Variants in GLB1L3 observed in about 807,000 individuals in gnomAD.
The protein encoded by GLB1L3 is galactosidase beta 1 like 3.
Under a neutral mutation model 89.5 loss-of-function variants are expected in GLB1L3, and 89 were observed. The ratio of observed to expected loss-of-function variants is 0.99; its 90% CI spans 0.84 to 1.19. The LOEUF is 1.19. Ranked by LOEUF, GLB1L3 falls within the 50% of genes most tolerant of loss-of-function variation. The pLI is 0.00. For synonymous variants in GLB1L3, 314 were observed against 312.3 expected, an observed-to-expected ratio of 1.01 and a Z score of -0.06; for missense variants, 812 against 813.3, an observed-to-expected ratio of 1.00 and a Z score of 0.02.
chr11:134,317,171 T>A (rs1943020917), intron 18 of GLB1L3: 1 of 152,222 alleles, frequency 6.6e-6, no homozygotes, highest in Non-Finnish European at 1.5e-5. Context: ...CTTTAGCACT[T>A]CTTGTAAAGC....
At chr11:134,294,748 G>T (rs753755696) in intron 9 of GLB1L3, among the ~76,000 whole-genome samples, 1 of 152,180 alleles carries the variant, frequency 6.6e-6, no homozygotes, top group Non-Finnish European at 1.5e-5. Context: ...TTAGTCTTTT[G>T]CATCTGGCTT....
At chr11:134,315,235 T>A (rs1450153050) in intron 18 of GLB1L3, among the ~76,000 whole-genome samples, 1 of 152,258 alleles carries the variant, frequency 6.6e-6, no homozygotes, top group Non-Finnish European at 1.5e-5. Context: ...ACCATTTTAC[T>A]TTTTCTGAAC....
At chr11:134,280,731 T>C (rs1023269513) in intron 3 of GLB1L3, among the ~76,000 whole-genome samples, 6 of 152,168 alleles carry the variant, frequency 3.9e-5, no homozygotes, top group African/African-American at 9.7e-5. Flanking sequence ...AGTTCTACGA[T>C]GTATTGTCAA....
At chr11:134,313,751 G>A (rs1942856159) in intron 16 of GLB1L3, among the ~76,000 whole-genome samples, 190 bp from the exon 17 acceptor site, 1 of 152,244 alleles carries the variant, frequency 6.6e-6, no homozygotes, top group African/African-American at 2.4e-5. Context: ...ACTAAGTGGG[G>A]GAACTTTCTT....
intron 15 of GLB1L3, 140 bp downstream of exon 15, chr11:134,313,027 A>G (rs1942819536): frequency 1.4e-6 from 1 of 694,920 alleles, no homozygotes; most frequent in Non-Finnish European, 2.5e-6. Flanking sequence ...GGAAGTGTGC[A>G]GGGCTGGAAG....
At chr11:134,305,114 G>A (rs1942133380) in intron 9 of GLB1L3, 1 of 1,548,520 alleles carries the variant, frequency 6.5e-7, no homozygotes, top group East Asian at 2.4e-5. Flanking sequence ...TCTCCTCCCA[G>A]GGAGCCAGTA....
At chr11:134,306,900 A>G (rs1172466241) in intron 9 of GLB1L3, among the ~76,000 whole-genome samples, 1 of 152,252 alleles carries the variant, frequency 6.6e-6, no homozygotes, top group Non-Finnish European at 1.5e-5. Context: ...GTAGGGAGGC[A>G]CATGAAGCTG....
At position 134,299,093 on chromosome 11, in the gene GLB1L3, C is replaced by T. The variant is rs149852140; in HGVS notation, c.876+5884C>T. Among the ~76,000 whole-genome samples the T allele has an allele frequency of 5.1e-3, 773 of 152,112 alleles. 2 individuals are homozygous for T. The highest frequency in any genetic ancestry group is 8.4e-3 in the Non-Finnish European group (573 of 68,012). ...CATTCCTCATGCCTGTTGAGTTTAG[C>T]GATGAGCCTATTGAAGAAATTTTTC... On this transcript the variant is annotated intron_variant, in intron 9 of 19. Transcript: ENST00000431683.
At chr11:134,304,002 T>G (rs1226481344) in intron 9 of GLB1L3, among the ~76,000 whole-genome samples, 2 of 152,114 alleles carry the variant, frequency 1.3e-5, no homozygotes, top group Non-Finnish European at 2.9e-5. Flanking sequence ...TTTGTTTCTT[T>G]TTTTGTTTTC....
downstream of GLB1L3, among the ~76,000 whole-genome samples, chr11:134,320,982 A>G (rs1269501137): frequency 2.6e-5 from 4 of 152,208 alleles, no homozygotes; most frequent in African/African-American, 9.6e-5. Flanking sequence ...CTCTCAGGGA[A>G]CCACAGTTGA....
At chr11:134,325,096 C>T in the GLB1L3 span, among the ~76,000 whole-genome samples, 1 of 152,176 alleles carries the variant, frequency 6.6e-6, no homozygotes, top group Non-Finnish European at 1.5e-5. Flanking sequence ...GGTGCTTCAA[C>T]ATTTGAAAAT....
At position 134,277,845 on chromosome 11, in the gene GLB1L3, G is replaced by A. The variant is rs922643990; in HGVS notation, c.295G>A (p.Val99Met). ...CGGGGGCTCCATCCACTATTTCCGG[G>A]TGCCCAGGGAGTACTGGAGGGACCG... ...IFGGSIHYFR[V>M]PREYWRDRLL... The change falls in exon 3 of 20, where the codon GTG becomes ATG. Residue 99 changes from valine (V) to methionine (M), a missense_variant. Val to Met is a conservative substitution (Grantham distance 21, BLOSUM62 1). Around this residue, in one of 3 missense-constraint regions of GLB1L3, gnomAD observed 191 missense variants for 191.4 expected, o/e 1.00. Coordinates refer to ENST00000431683, the MANE Select transcript of GLB1L3 (RefSeq NM_001080407.3). The A allele has an allele frequency of 2.5e-6, 4 of 1,613,908 alleles. No homozygotes were observed. In the African/African-American group the frequency reaches 5.3e-5, roughly 22 times the overall value.
At position 134,276,604 on chromosome 11, in the gene GLB1L3, C is replaced by T. The variant is rs1484392666; in HGVS notation, c.-137C>T. The T allele has an allele frequency of 2.5e-6, 2 of 796,378 alleles. No homozygotes were observed. Among genetic ancestry groups the T allele is most frequent in the Non-Finnish European group, 3.4e-6 (2 of 589,488 alleles). The allele number at this position is 796,378 out of a possible 1,614,324, so 49.3% of individuals were successfully genotyped here. On this transcript the variant is annotated 5_prime_UTR_variant, in exon 1 of 20. Transcript: ENST00000431683. ...CCCGCGCCTCGGGACGGATTTCTGC[C>T]TCGGCTGCAGGCGCAGCGCGCAGAC... is the stretch of plus-strand genomic sequence containing the variant.
rs760908455 is a variant in GLB1L3, at chr11:134,277,919, G to T, written c.362+7G>T. The T allele has an allele frequency of 8.7e-6, 14 of 1,613,074 alleles. No individual in the cohort carries two copies. In the East Asian group the frequency reaches 2.2e-4, roughly 26 times the overall value. On this transcript the variant is annotated splice_region_variant and intron_variant, in intron 3 of 19. Transcript: ENST00000431683. Reference sequence around the variant, plus strand: ...GCTTCAATACTGTCACCACGTGAGTGCCGGCCCCTCACCTCCAGGATCTCG... The same window carrying T: ...GCTTCAATACTGTCACCACGTGAGTTCCGGCCCCTCACCTCCAGGATCTCG...
chr11:134,277,607 ACTT>A, intron 2 of GLB1L3, 90 bp from the exon 3 acceptor site: 1 of 1,523,300 alleles, frequency 6.6e-7, no homozygotes, highest in Non-Finnish European at 9.0e-7. Context: ...ACTAACAAAA[ACTT>A]CTTTTCGCTA....
At chr11:134,304,191 G>A (rs147382239) in intron 9 of GLB1L3, among the ~76,000 whole-genome samples, 1 of 151,988 alleles carries the variant, frequency 6.6e-6, no homozygotes, top group African/African-American at 2.4e-5. Flanking sequence ...AATGTGCTGG[G>A]TATCTCTTTA....
At chr11:134,279,254 C>T (rs372758197) in intron 3 of GLB1L3, among the ~76,000 whole-genome samples, 2 of 151,830 alleles carry the variant, frequency 1.3e-5, no homozygotes, top group Admixed American at 1.3e-4. Flanking sequence ...GGTTTGGGGA[C>T]GACATAGCTC....
At chr11:134,288,366 G>C (rs919438072) in intron 6 of GLB1L3, among the ~76,000 whole-genome samples, 3 of 152,192 alleles carry the variant, frequency 2.0e-5, no homozygotes, top group Non-Finnish European at 2.9e-5. Flanking sequence ...TGTTGCAAAG[G>C]AAGGTCAAAG....
intron 13 of GLB1L3, 109 bp from the exon 14 acceptor site, chr11:134,312,240 T>A: frequency 8.0e-7 from 1 of 1,247,414 alleles, no homozygotes; most frequent in East Asian, 2.3e-5. Context: ...CATTTCCCAT[T>A]TGAAGAACCC....
Sources: gnomAD v4.1 joint callset for allele counts (sites outside exome capture counted in the v4.1 genomes callset) on GRCh38, gnomAD v4.1.1 for gene constraint, gnomAD v4.1.1 regional missense constraint, MANE v1.5 for transcripts, NCBI Gene and HGNC (gene_info 2026-07-23, HGNC 2026-07-21) for gene names.